KCNQ1: variants seen among roughly 807,000 people sequenced by gnomAD.
KCNQ1 encodes the protein potassium voltage-gated channel subfamily Q member 1.
KCNQ1 carries 49 observed loss-of-function variants against 72.4 expected under a neutral mutation model. That is an observed-to-expected ratio of 0.68 (90% CI 0.54 to 0.86). KCNQ1 has a LOEUF of 0.86. Among genes scored for constraint, KCNQ1 ranks in the 40% least tolerant of loss-of-function variants. KCNQ1 has a pLI of 0.00. For synonymous variants in KCNQ1, 450 were observed against 412.6 expected (o/e 1.09, Z -1.10); for missense variants, 790 against 945.1 (o/e 0.84, Z 2.15).
intron 15 of KCNQ1, among the ~76,000 whole-genome samples, chr11:2,802,891 C>T (rs1470694535): frequency 6.6e-6 from 1 of 152,242 alleles, no homozygotes; most frequent in Non-Finnish European, 1.5e-5. Flanking sequence ...CCCCCAGCCC[C>T]AGCAGACCCT....
In KCNQ1 at chr11:2,782,334, CACTT is replaced by C. The variant is rs139567692; in HGVS notation, c.1794+4301_1794+4304del. 1.6e-4 allele frequency among the ~76,000 whole-genome samples: 25 copies of C among 152,304 alleles called. No individual in the cohort carries two copies. In the East Asian group the frequency reaches 4.8e-3, roughly 29 times the overall value. On this transcript the variant is annotated intron_variant, in intron 15 of 15. Transcript: ENST00000155840. This position sits in a 1 kb window ranked among gnomAD's most constrained non-coding sequence, Gnocchi z 6.1. The stretch of plus-strand genomic sequence containing the variant: ...TATTTCTTAAACACTGCTGAAATCT[CACTT>C]ACTAATATTTAATATATCAGAATTT...
At chr11:2,779,410 G>A (rs1013669800) in intron 15 of KCNQ1, among the ~76,000 whole-genome samples, 3 of 152,086 alleles carry the variant, frequency 2.0e-5, no homozygotes, top group Non-Finnish European at 2.9e-5. Flanking sequence ...AAGGAAAGCC[G>A]TGGTAGAGAC....
chr11:2,786,547 G>A (rs1414158878), intron 15 of KCNQ1, among the ~76,000 whole-genome samples: 1 of 149,970 alleles, frequency 6.7e-6, no homozygotes, highest in Admixed American at 6.6e-5. Context: ...TTGGCCAGTA[G>A]TAGACCACCT....
chr11:2,547,039 T>C lies in KCNQ1; in HGVS notation c.477+19021T>C, dbSNP rs966770047. Among the ~76,000 whole-genome samples the C allele has an allele frequency of 1.3e-5, 2 of 152,254 alleles. No individual in the cohort carries two copies. The highest frequency in any genetic ancestry group is 2.9e-5 in the Non-Finnish European group (2 of 68,038). On this transcript the variant is annotated intron_variant, in intron 2 of 15. Coordinates refer to ENST00000155840, the MANE Select transcript of KCNQ1 (RefSeq NM_000218.3). The surrounding 1 kb of genome is among the most constrained non-coding windows in gnomAD (Gnocchi z 4.2). ...AAGCATATAGTTGAGTCTTATTTTG[T>C]GAGTCAAACTATTTTTCTCCTGAAA...
Position 2,495,720 on chromosome 11 carries a change from A to G in KCNQ1, c.387-32208A>G, listed in dbSNP as rs980768526. On this transcript the variant is annotated intron_variant, in intron 1 of 15. Coordinates refer to ENST00000155840, the MANE Select transcript of KCNQ1 (RefSeq NM_000218.3). This position sits in a 1 kb window ranked among gnomAD's most constrained non-coding sequence, Gnocchi z 4.6. Reference sequence around the variant, plus strand: ...TGAGAGACTGTTTGTTATGATTTCCATTCTTTGGCATTTGCTGAGGAGTGT... The same window carrying G: ...TGAGAGACTGTTTGTTATGATTTCCGTTCTTTGGCATTTGCTGAGGAGTGT... Among the ~76,000 whole-genome samples, 5 of 152,060 alleles carry G rather than the reference A, an allele frequency of 3.3e-5. No individual in the cohort carries two copies. Among genetic ancestry groups the G allele is most frequent in the Non-Finnish European group, 7.4e-5 (5 of 67,998 alleles).
intron 10 of KCNQ1, among the ~76,000 whole-genome samples, chr11:2,597,552 A>C (rs1426074426): frequency 6.6e-6 from 1 of 152,226 alleles, no homozygotes; most frequent in African/African-American, 2.4e-5. Flanking sequence ...ATAACAGTAC[A>C]TCTTTCAGAA....
At chr11:2,680,504 A>T in intron 11 of KCNQ1, 1 of 398,482 alleles carries the variant, frequency 2.5e-6, no homozygotes, top group East Asian at 3.6e-5. Context: ...TTTAAAATAA[A>T]TTTTTATTTT....
chr11:2,796,438 C>A (rs1847133175), intron 15 of KCNQ1, among the ~76,000 whole-genome samples: 1 of 152,254 alleles, frequency 6.6e-6, no homozygotes, highest in South Asian at 2.1e-4. Flanking sequence ...CCGGATCTTC[C>A]CAGCACCCTT....
At chr11:2,596,908 CA>C (rs1318956029) in intron 10 of KCNQ1, among the ~76,000 whole-genome samples, 3 of 151,218 alleles carry the variant, frequency 2.0e-5, no homozygotes, top group African/African-American at 7.3e-5. Context: ...TTTTGCATAG[CA>C]AAAAAACATA....
intron 1 of KCNQ1, among the ~76,000 whole-genome samples, chr11:2,525,634 G>A (rs984711137): frequency 4.6e-5 from 7 of 152,218 alleles, no homozygotes; most frequent in African/African-American, 1.2e-4. Flanking sequence ...TTGGGCAGGC[G>A]GGAGTCAGGG....
chr11:2,521,155 G>A (rs982310521), intron 1 of KCNQ1, among the ~76,000 whole-genome samples: 1 of 151,986 alleles, frequency 6.6e-6, no homozygotes, highest in Non-Finnish European at 1.5e-5. Context: ...TTGTGCAACC[G>A]TCACCACCAT....
Position 2,668,370 on chromosome 11 carries a change from G to A in KCNQ1, c.1514+6289G>A, listed in dbSNP as rs1850121784. The stretch of plus-strand genomic sequence containing the variant: ...GGGTGGGCATATGTTTACTCTTAGT[G>A]AATACTACCCAGCAGTCTACCAAAG... On this transcript the variant is annotated intron_variant, in intron 11 of 15. Coordinates refer to ENST00000155840, the MANE Select transcript of KCNQ1 (RefSeq NM_000218.3). The surrounding 1 kb of genome is among the most constrained non-coding windows in gnomAD (Gnocchi z 4.3). 1 of 398,596 alleles carries A rather than the reference G, an allele frequency of 2.5e-6. No homozygotes were observed. Among genetic ancestry groups the A allele is most frequent in the Non-Finnish European group, 4.4e-6 (1 of 226,068 alleles). The allele number at this position is 398,596 out of a possible 1,614,324, so 24.7% of individuals were successfully genotyped here.
At chr11:2,796,052 C>T (rs534101452) in intron 15 of KCNQ1, among the ~76,000 whole-genome samples, 1 of 152,180 alleles carries the variant, frequency 6.6e-6, no homozygotes, top group African/African-American at 2.4e-5. Context: ...TTGAACCCAC[C>T]GTGCTTGGTG....
rs1847738541 is a variant in KCNQ1, at chr11:2,536,776, T to TG, written c.477+8761dup. Among the ~76,000 whole-genome samples, 1 of 150,942 alleles carries TG rather than the reference T, an allele frequency of 6.6e-6. No homozygotes were observed. Among genetic ancestry groups the TG allele is most frequent in the Admixed American group, 6.6e-5 (1 of 15,246 alleles). ...GGCTGCGTGATGGGGGACCCCAGGC[T>TG]GGGCGGCTTAAACCGTGGAGGTCGC... On this transcript the variant is annotated intron_variant, in intron 2 of 15. Transcript: ENST00000155840. This position sits in a 1 kb window ranked among gnomAD's most constrained non-coding sequence, Gnocchi z 7.4.
At chr11:2,819,153 C>T (rs1335547899) in intron 15 of KCNQ1, among the ~76,000 whole-genome samples, 1 of 152,246 alleles carries the variant, frequency 6.6e-6, no homozygotes, top group Non-Finnish European at 1.5e-5. Flanking sequence ...CCAAGCATCC[C>T]TATGCTCCAG....
At chr11:2,554,516 C>A (rs919752033) in intron 2 of KCNQ1, among the ~76,000 whole-genome samples, 1 of 152,176 alleles carries the variant, frequency 6.6e-6, no homozygotes. Context: ...TGCAGGGGGA[C>A]CCTCCTCAGT....
intron 2 of KCNQ1, among the ~76,000 whole-genome samples, chr11:2,542,349 G>A (rs1331962615): frequency 6.6e-6 from 1 of 152,236 alleles, no homozygotes; most frequent in African/African-American, 2.4e-5. Flanking sequence ...GGTGTAAGGG[G>A]CCCCGTGCCC....
chr11:2,826,561 A>G lies in KCNQ1; in HGVS notation c.1795-21206A>G, dbSNP rs947253517. 3.3e-5 allele frequency among the ~76,000 whole-genome samples: 5 copies of G among 152,174 alleles called. No individual in the cohort carries two copies. Among genetic ancestry groups the G allele is most frequent in the Admixed American group, 3.3e-4 (5 of 15,278 alleles). ...CTGCTGCTTCCCCGAAGGCCTCCCCAGCAGACCTGCAGCTGGGCACCCACA... is the reference window on the plus strand; with the variant it reads ...CTGCTGCTTCCCCGAAGGCCTCCCCGGCAGACCTGCAGCTGGGCACCCACA... On this transcript the variant is annotated intron_variant, in intron 15 of 15. Transcript: ENST00000155840. This position sits in a 1 kb window ranked among gnomAD's most constrained non-coding sequence, Gnocchi z 4.2.
In KCNQ1 at chr11:2,621,454, C is replaced by T; in HGVS notation, c.1393+32600C>T. 2 of 398,504 alleles carry T rather than the reference C, an allele frequency of 5.0e-6. No individual in the cohort carries two copies. The highest frequency in any genetic ancestry group is 8.8e-6 in the Non-Finnish European group (2 of 226,050). 24.7% of individuals were successfully genotyped at this position (398,504 alleles called of 1,614,324 possible). A position where few individuals can be genotyped will look rare whatever the true frequency, so the allele number is the denominator to read the frequency against. On this transcript the variant is annotated intron_variant, in intron 10 of 15. Coordinates refer to ENST00000155840, the MANE Select transcript of KCNQ1 (RefSeq NM_000218.3). The surrounding 1 kb of genome is among the most constrained non-coding windows in gnomAD (Gnocchi z 5.7). ...TGGATTCTGGACATAGGACCTTTGC[C>T]AGATGAATAGTTTGCAAATATTTTT...
Sources: gnomAD v4.1 joint callset for allele counts (sites outside exome capture counted in the v4.1 genomes callset) on GRCh38, gnomAD v4.1.1 for gene constraint, Gnocchi (gnomAD v3.1) non-coding constraint, MANE v1.5 for transcripts, NCBI Gene and HGNC (gene_info 2026-07-23, HGNC 2026-07-21) for gene names.